Variants in GFRA1 observed in about 807,000 individuals in gnomAD.
GFRA1 encodes GDNF family receptor alpha-1.
In GFRA1, 16 loss-of-function variants were observed where a neutral mutation model predicts 51.6. That is an observed-to-expected ratio of 0.31 (90% CI 0.21 to 0.47). The LOEUF is 0.47. GFRA1 is among the 20% of genes least tolerant of loss of function. The probability of loss-of-function intolerance (pLI) is 1.00; values close to 1 mark genes in which losing one functional copy is unlikely to be tolerated. For synonymous variants in GFRA1, 270 were observed against 241.3 expected (o/e 1.12, Z -1.10); for missense variants, 530 against 594.3 (o/e 0.89, Z 1.13).
chr10:116,188,227 C>T (rs946362724), intron 5 of GFRA1, among the ~76,000 whole-genome samples: 1 of 152,108 alleles, frequency 6.6e-6, no homozygotes, highest in African/African-American at 2.4e-5. Flanking sequence ...GGGGGTCAAC[C>T]CCATGCAGAG....
Position 116,221,949 on chromosome 10 carries a change from G to A in GFRA1, c.419-10304C>T, listed in dbSNP as rs751874812. ...TAAGGTAAGGACATGGGGAAAGGAC[G>A]TCCTGCTGGATTAAAAAATGAGAAT... On this transcript the variant is annotated intron_variant, in intron 4 of 10. Coordinates refer to ENST00000355422, the MANE Select transcript of GFRA1 (RefSeq NM_005264.8). 7.8e-4 allele frequency among the ~76,000 whole-genome samples: 118 copies of A among 152,118 alleles called. 1 individual carries two copies. The highest frequency in any genetic ancestry group is 1.2e-3 in the Non-Finnish European group (81 of 68,026).
Position 116,162,556 on chromosome 10 carries a change from A to T in GFRA1, c.434-36999T>A, listed in dbSNP as rs78150334. 7.3e-3 allele frequency among the ~76,000 whole-genome samples: 1,105 copies of T among 152,322 alleles called. 18 individuals are homozygous for T. Among genetic ancestry groups the T allele is most frequent in the African/African-American group, 0.025 (1,046 of 41,570 alleles). On this transcript the variant is annotated intron_variant, in intron 5 of 10. Transcript: ENST00000355422. The stretch of plus-strand genomic sequence containing the variant: ...AGAGGTTGGTCTGCGGAGGCTCTGG[A>T]GCATGTGAGTGCACAGGGACGCGTG...
At chr10:116,252,615 C>T (rs751053050) in intron 4 of GFRA1, among the ~76,000 whole-genome samples, 17 of 152,136 alleles carry the variant, frequency 1.1e-4, no homozygotes, top group African/African-American at 1.4e-4. Flanking sequence ...AAGTCAGAAA[C>T]GCGCACCCTC....
intron 4 of GFRA1, among the ~76,000 whole-genome samples, chr10:116,267,591 C>G (rs1249489862): frequency 1.3e-5 from 2 of 152,200 alleles, no homozygotes; most frequent in East Asian, 3.9e-4. Flanking sequence ...TCATACCCTT[C>G]CAGGCATCAG....
chr10:116,069,481 T>G (rs934321015), intron 9 of GFRA1, among the ~76,000 whole-genome samples: 3 of 152,154 alleles, frequency 2.0e-5, no homozygotes, highest in African/African-American at 7.2e-5. Flanking sequence ...CAGGGAAACC[T>G]GTTTTTTAGG....
chr10:116,110,334 G>A (rs935272222), intron 6 of GFRA1, among the ~76,000 whole-genome samples: 7 of 152,112 alleles, frequency 4.6e-5, no homozygotes, highest in Admixed American at 1.3e-4. Flanking sequence ...GGTGCTGGTA[G>A]TGTCTGTGTT....
rs771502937 is a variant in GFRA1 at position 116,271,042 on chromosome 10, C to T, written c.114G>A (p.Lys38=). 3.1e-5 allele frequency: 50 copies of T among 1,614,006 alleles called. No homozygotes were observed. Among genetic ancestry groups the T allele is most frequent in the Non-Finnish European group, 4.0e-5 (47 of 1,179,962 alleles). ...GGTACTTGGTGCTGCAGCTCTGCTC[C>T]TTCAGGCACTGATCACTGGCTTTCA... ...DCVKASDQCL[K]EQSCSTKYRT... Residue 38 remains lysine, a synonymous_variant, in exon 3 of 11, where the codon AAG becomes AAA. Transcript: ENST00000355422.
intron 4 of GFRA1, among the ~76,000 whole-genome samples, chr10:116,249,066 C>G (rs1589909622): frequency 6.6e-6 from 1 of 152,234 alleles, no homozygotes; most frequent in African/African-American, 2.4e-5. Flanking sequence ...CCCACACAAC[C>G]TTGGCCTTTC....
intron 6 of GFRA1, among the ~76,000 whole-genome samples, chr10:116,110,445 C>T (rs1367805482): frequency 6.6e-6 from 1 of 152,118 alleles, no homozygotes; most frequent in Non-Finnish European, 1.5e-5. Flanking sequence ...TAGGAGAGGA[C>T]ACTCTCCCTC....
intron 4 of GFRA1, among the ~76,000 whole-genome samples, chr10:116,245,813 T>C (rs1368720337): frequency 4.6e-5 from 7 of 152,114 alleles, no homozygotes; most frequent in Non-Finnish European, 7.4e-5. Flanking sequence ...GTGCATATTA[T>C]TAGATGAAAG....
chr10:116,144,875 T>C (rs1218549321), intron 5 of GFRA1, among the ~76,000 whole-genome samples: 1 of 151,664 alleles, frequency 6.6e-6, no homozygotes, highest in Non-Finnish European at 1.5e-5. Flanking sequence ...TTGGCCAAGG[T>C]TGGTGGCACA....
intron 5 of GFRA1, among the ~76,000 whole-genome samples, chr10:116,207,329 T>C (rs2134422960): frequency 8.1e-6 from 1 of 123,926 alleles, no homozygotes. Flanking sequence ...AGTTTGTTTG[T>C]TTAACCTTTA....
At chr10:116,209,024 A>G (rs953087545) in intron 5 of GFRA1, among the ~76,000 whole-genome samples, 1 of 152,166 alleles carries the variant, frequency 6.6e-6, no homozygotes, top group African/African-American at 2.4e-5. Context: ...GTGGCCCTGG[A>G]ACTCGTATGT....
intron 5 of GFRA1, among the ~76,000 whole-genome samples, chr10:116,190,953 C>T (rs1169604535): frequency 1.3e-5 from 2 of 152,126 alleles, no homozygotes; most frequent in Non-Finnish European, 2.9e-5. Flanking sequence ...AAAAGATCTC[C>T]CTGAAATAAA....
intron 9 of GFRA1, among the ~76,000 whole-genome samples, chr10:116,088,646 C>T (rs569118995): frequency 6.6e-5 from 10 of 152,024 alleles, no homozygotes; most frequent in Middle Eastern, 3.2e-3. Context: ...TACCACTGGG[C>T]GCGGTGGCAC....
At chr10:116,204,403 T>C (rs2134404464) in intron 5 of GFRA1, among the ~76,000 whole-genome samples, 1 of 152,356 alleles carries the variant, frequency 6.6e-6, no homozygotes, top group Non-Finnish European at 1.5e-5. Context: ...TAGGAGGGCC[T>C]AAAAGAAAGG....
At chr10:116,066,251 C>T (rs1346223390) in intron 9 of GFRA1, among the ~76,000 whole-genome samples, 1 of 152,128 alleles carries the variant, frequency 6.6e-6, no homozygotes, top group African/African-American at 2.4e-5. Context: ...CTTGGGGCTC[C>T]TCTCTAGTGA....
At chr10:116,157,001 A>G (rs1959220067) in intron 5 of GFRA1, among the ~76,000 whole-genome samples, 1 of 152,244 alleles carries the variant, frequency 6.6e-6, no homozygotes. Flanking sequence ...GTCTAGCAAC[A>G]GAGCTGTCTT....
intron 9 of GFRA1, among the ~76,000 whole-genome samples, chr10:116,065,940 A>G (rs1829392847): frequency 6.6e-6 from 1 of 152,234 alleles, no homozygotes; most frequent in African/African-American, 2.4e-5. Flanking sequence ...GAACATCTCA[A>G]TTCAGACTTA....
Sources: gnomAD v4.1 joint callset for allele counts (sites outside exome capture counted in the v4.1 genomes callset) on GRCh38, gnomAD v4.1.1 for gene constraint, MANE v1.5 for transcripts, NCBI Gene and HGNC (gene_info 2026-07-23, HGNC 2026-07-21) for gene names.